GNAI1: variants seen among roughly 807,000 people sequenced by gnomAD.
The protein encoded by GNAI1 is G protein subunit alpha i1.
In GNAI1, 11 loss-of-function variants were observed where a neutral mutation model predicts 38.9. The ratio of observed to expected loss-of-function variants is 0.28; its 90% CI spans 0.18 to 0.47. GNAI1 has a LOEUF of 0.47. Among genes scored for constraint, GNAI1 ranks in the 20% least tolerant of loss-of-function variants. GNAI1 has a pLI of 0.99. For synonymous variants in GNAI1, 166 were observed against 145.1 expected, an observed-to-expected ratio of 1.14 and a Z score of -1.04; for missense variants, 317 against 436.9, an observed-to-expected ratio of 0.73 and a Z score of 2.45.
chr7:80,195,439 G>GA (rs891388004), intron 3 of GNAI1, among the ~76,000 whole-genome samples: 37 of 149,980 alleles, frequency 2.5e-4, no homozygotes, highest in South Asian at 1.9e-3. Context: ...TCTGCTTTTA[G>GA]AAAAAAAAAT....
At chr7:80,152,553 C>T (rs1030613619) in intron 1 of GNAI1, among the ~76,000 whole-genome samples, 4 of 141,770 alleles carry the variant, frequency 2.8e-5, no homozygotes, top group African/African-American at 7.7e-5. Context: ...GATTCGGTCT[C>T]AATTCTTTTT....
chr7:80,202,955 A>T (rs1432703005), intron 4 of GNAI1, among the ~76,000 whole-genome samples: 2 of 152,180 alleles, frequency 1.3e-5, no homozygotes, highest in African/African-American at 2.4e-5. Flanking sequence ...CTCGCTATCC[A>T]TGAATCCTTC....
intron 3 of GNAI1, among the ~76,000 whole-genome samples, chr7:80,192,294 C>A (rs1788496019): frequency 6.6e-6 from 1 of 152,062 alleles, no homozygotes; most frequent in African/African-American, 2.4e-5. Context: ...ATATTTATCT[C>A]TGTCTCTTCA....
chr7:80,207,758 T>C (rs1788800115), intron 5 of GNAI1, among the ~76,000 whole-genome samples: 1 of 152,076 alleles, frequency 6.6e-6, no homozygotes, highest in South Asian at 2.1e-4. Flanking sequence ...CTGAGTAAAA[T>C]TCAGTTTCAC....
At chr7:80,153,046 A>G (rs1787755952) in intron 1 of GNAI1, among the ~76,000 whole-genome samples, 1 of 152,220 alleles carries the variant, frequency 6.6e-6, no homozygotes, top group Non-Finnish European at 1.5e-5. Flanking sequence ...TTTATATTTT[A>G]GAAAGATTTT....
At chr7:80,205,814 G>A (rs534732858) in intron 5 of GNAI1, among the ~76,000 whole-genome samples, 32 of 152,162 alleles carry the variant, frequency 2.1e-4, no homozygotes, top group African/African-American at 7.7e-4. Flanking sequence ...AGTATCCCAT[G>A]TCGTTATTGA....
At chr7:80,137,293 C>CTTTTTTTTTTT (rs377362596) in intron 1 of GNAI1, among the ~76,000 whole-genome samples, 1 of 95,258 alleles carries the variant, frequency 1.0e-5, no homozygotes, top group Non-Finnish European at 1.9e-5. Flanking sequence ...TTTCTTTTTT[C>CTTTTTTTTTTT]TTTTTTTTTT....
chr7:80,218,940 T>TA lies in GNAI1; in HGVS notation c.*1448dup, dbSNP rs369008379. 6.6e-6 allele frequency: 1 copy of TA among 152,362 alleles called. No individual in the cohort carries two copies. The highest frequency in any genetic ancestry group is 2.4e-5 in the African/African-American group (1 of 41,410). 9.4% of individuals were successfully genotyped at this position (152,362 alleles called of 1,614,324 possible). A position where few individuals can be genotyped will look rare whatever the true frequency, so the allele number is the denominator to read the frequency against. On this transcript the variant is annotated 3_prime_UTR_variant, in exon 8 of 8. Coordinates refer to ENST00000649796, the MANE Select transcript of GNAI1 (RefSeq NM_002069.6). ...ACTCCCCACCCCACCCTCCTTTTTTTACTCATCTTGGAAAAGGTTAGTCTT... is the reference window on the plus strand; with the variant it reads ...ACTCCCCACCCCACCCTCCTTTTTTTAACTCATCTTGGAAAAGGTTAGTCTT...
At chr7:80,176,525 C>T (rs1311856708) in intron 1 of GNAI1, among the ~76,000 whole-genome samples, 2 of 152,184 alleles carry the variant, frequency 1.3e-5, no homozygotes, top group African/African-American at 2.4e-5. Context: ...AAAGTCAGTG[C>T]CTGGCTTCAG....
At chr7:80,141,205 G>T (rs996679777) in intron 1 of GNAI1, among the ~76,000 whole-genome samples, 1 of 152,114 alleles carries the variant, frequency 6.6e-6, no homozygotes, top group African/African-American at 2.4e-5. Flanking sequence ...TCCGCCCTCT[G>T]GCTCCCAAAG....
chr7:80,151,310 A>G (rs983075335), intron 1 of GNAI1, among the ~76,000 whole-genome samples: 2 of 152,190 alleles, frequency 1.3e-5, no homozygotes, highest in African/African-American at 4.8e-5. Flanking sequence ...ATATTGATTT[A>G]AATGTATTGC....
At chr7:80,152,992 G>A (rs960106628) in intron 1 of GNAI1, among the ~76,000 whole-genome samples, 3 of 151,848 alleles carry the variant, frequency 2.0e-5, no homozygotes, top group African/African-American at 7.3e-5. Flanking sequence ...TGAACAGAGA[G>A]TTAATTATAT....
chr7:80,210,872 T>A, intron 5 of GNAI1, 97 bp from the exon 6 acceptor site: 1 of 995,342 alleles, frequency 1.0e-6, no homozygotes, highest in Non-Finnish European at 1.5e-6. Context: ...ATCAGACATT[T>A]CCACAACTAT....
chr7:80,217,180 AGG>A (rs1371444941), intron 7 of GNAI1, 121 bp from the exon 8 acceptor site: 16 of 537,090 alleles, frequency 3.0e-5, no homozygotes, highest in Non-Finnish European at 4.6e-5. Context: ...AGCACAGTTA[AGG>A]AGTCCATGAA....
intron 7 of GNAI1, among the ~76,000 whole-genome samples, chr7:80,217,062 G>A (rs1788980506): frequency 6.6e-6 from 1 of 152,064 alleles, no homozygotes. Flanking sequence ...AACACGGAAT[G>A]CCATGTAAAG....
chr7:80,212,739 A>G lies in GNAI1; in HGVS notation c.744A>G (p.Lys248=), dbSNP rs1401391151. The G allele has an allele frequency of 6.5e-6, 10 of 1,542,198 alleles. No homozygotes were observed. Among genetic ancestry groups the G allele is most frequent in the African/African-American group, 1.4e-5 (1 of 70,718 alleles). ...EEMNRMHESM[K]LFDSICNNKW... is the part of the protein sequence containing the mutation. ...AGAACCGAATGCATGAAAGCATGAAATTGTTTGACAGCATATGTAACAACA... is the reference window on the plus strand; with the variant it reads ...AGAACCGAATGCATGAAAGCATGAAGTTGTTTGACAGCATATGTAACAACA... The change falls in exon 7 of 8, where the codon AAA becomes AAG. Residue 248 remains lysine (K), a synonymous_variant. Coordinates refer to ENST00000649796, the MANE Select transcript of GNAI1 (RefSeq NM_002069.6).
chr7:80,217,233 A>ACTGACTTCAGTTTCATATGGATGAAC, intron 7 of GNAI1, 70 bp from the exon 8 acceptor site: 2 of 1,034,840 alleles, frequency 1.9e-6, no homozygotes, highest in Non-Finnish European at 2.8e-6. Context: ...TATGTATGAA[A>ACTGACTTCAGTTTCATATGGATGAAC]CTGAATTCAG....
In GNAI1 at chr7:80,208,390, A is replaced by T. The variant is rs924573048; in HGVS notation, c.591-2579A>T. 9.7e-4 allele frequency among the ~76,000 whole-genome samples: 147 copies of T among 152,316 alleles called. 1 individual carries two copies. The highest frequency in any genetic ancestry group is 1.1e-3 in the Non-Finnish European group (76 of 68,016). The stretch of plus-strand genomic sequence containing the variant: ...CATTATATGGAAAATGAAAGCAGTG[A>T]TAAAAATTAGTGTTTCTTCTAGTTA... On this transcript the variant is annotated intron_variant, in intron 5 of 7. Transcript: ENST00000649796.
intron 7 of GNAI1, among the ~76,000 whole-genome samples, chr7:80,215,652 C>T (rs1788955381): frequency 6.6e-6 from 1 of 152,086 alleles, no homozygotes; most frequent in African/African-American, 2.4e-5. Context: ...ATGATATTTA[C>T]TCTTGAAGAG....
Sources: allele counts gnomAD v4.1 joint callset (sites outside exome capture counted in the v4.1 genomes callset), GRCh38; gene constraint gnomAD v4.1.1; transcripts MANE v1.5; gene names NCBI Gene and HGNC (gene_info 2026-07-23, HGNC 2026-07-21).